Variants in JPH2 observed in about 807,000 individuals in gnomAD.
The protein encoded by JPH2 is junctophilin 2, also known as junctophilin-2.
In JPH2, 38 loss-of-function variants were observed where a neutral mutation model predicts 55.9. The ratio of observed to expected loss-of-function variants is 0.68; its 90% CI spans 0.52 to 0.89. JPH2 has a LOEUF of 0.89. Among genes scored for constraint, JPH2 ranks in the 40% least tolerant of loss-of-function variants. The pLI is 0.00. For missense variants in JPH2, 964 were observed against 1,037.6 expected (o/e 0.93, Z 0.97); for synonymous variants, 480 against 472.4 (o/e 1.02, Z -0.21).
chr20:44,158,753 G>A (rs994448552), intron 2 of JPH2, among the ~76,000 whole-genome samples: 8 of 152,186 alleles, frequency 5.3e-5, no homozygotes, highest in Non-Finnish European at 8.8e-5. Context: ...TGATAGAGGT[G>A]GCTGGCTGGG....
At position 44,115,967 on chromosome 20, in the gene JPH2, C is replaced by T; in HGVS notation, c.1708G>A (p.Ala570Thr). Residue 570 changes from alanine (A) to threonine (T), a missense_variant, in exon 4 of 6, where the codon GCT becomes ACT. Transcript: ENST00000372980. ...VALYQGYHSY[A>T]VRTTPPEPPP... is the part of the protein sequence containing the mutation. ...GGCTCGGGCGGCGTGGTGCGCACAG[C>T]ATAGCTGTGGTAGCCCTGGTAAAGC... is the stretch of plus-strand genomic sequence containing the variant. 1 of 1,575,682 alleles carries T rather than the reference C, an allele frequency of 6.3e-7. No individual in the cohort carries two copies. Among genetic ancestry groups the T allele is most frequent in the Middle Eastern group, 1.7e-4 (1 of 5,812 alleles).
In JPH2 at chr20:44,109,009, G is replaced by C. The variant is rs999622632; in HGVS notation, c.*4509C>G. 1.8e-4 allele frequency among the ~76,000 whole-genome samples: 27 copies of C among 152,226 alleles called. 1 individual carries two copies. Among genetic ancestry groups the C allele is most frequent in the Admixed American group, 7.2e-4 (11 of 15,284 alleles). The stretch of plus-strand genomic sequence containing the variant: ...TTCCCTGAACTCCTTCAGGAATTCT[G>C]AATCATCACATCCACTAATATCCAA... On this transcript the variant is annotated 3_prime_UTR_variant, in exon 6 of 6. Coordinates refer to ENST00000372980, the MANE Select transcript of JPH2 (RefSeq NM_020433.5).
Position 44,107,009 on chromosome 20 carries a change from T to C in JPH2, c.*6509A>G, listed in dbSNP as rs2072112879. ...TTGTCAGGCCTGCATCAAGTTAGAC[T>C]TCTTCCTCTGCCCTGTTCTGCATTT... is the stretch of plus-strand genomic sequence containing the variant. On this transcript the variant is annotated 3_prime_UTR_variant, in exon 6 of 6. Transcript: ENST00000372980. 6.6e-6 allele frequency among the ~76,000 whole-genome samples: 1 copy of C among 152,324 alleles called. No homozygotes were observed. The highest frequency in any genetic ancestry group is 2.1e-4 in the South Asian group (1 of 4,828).
At chr20:44,116,732 C>G (rs1214817762) in intron 3 of JPH2, among the ~76,000 whole-genome samples, 1 of 152,210 alleles carries the variant, frequency 6.6e-6, no homozygotes, top group African/African-American at 2.4e-5. Flanking sequence ...TCTTTCCATT[C>G]CCTTATCTGA....
intron 2 of JPH2, among the ~76,000 whole-genome samples, chr20:44,139,764 AC>A (rs955798962): frequency 1.3e-5 from 2 of 152,240 alleles, no homozygotes; most frequent in African/African-American, 4.8e-5. Flanking sequence ...AAGGAAAGAA[AC>A]TACAAACAAG....
Position 44,115,978 on chromosome 20 carries a change from T to C in JPH2, c.1697A>G (p.Tyr566Cys). Residue 566 changes from tyrosine to cysteine, a missense_variant, in exon 4 of 6, where the codon TAC becomes TGC. Tyr to Cys is a radical substitution (Grantham distance 194). Coordinates refer to ENST00000372980, the MANE Select transcript of JPH2 (RefSeq NM_020433.5). Reference sequence around the variant, plus strand: ...CGTGGTGCGCACAGCATAGCTGTGGTAGCCCTGGTAAAGCGCCACCTCCGG... The same window carrying C: ...CGTGGTGCGCACAGCATAGCTGTGGCAGCCCTGGTAAAGCGCCACCTCCGG... ...REPEVALYQG[Y>C]HSYAVRTTPP... is the part of the protein sequence containing the mutation. 6.3e-7 allele frequency: 1 copy of C among 1,577,782 alleles called. No individual in the cohort carries two copies. Among genetic ancestry groups the C allele is most frequent in the Non-Finnish European group, 8.5e-7 (1 of 1,169,694 alleles).
Position 44,108,045 on chromosome 20 carries a change from T to C in JPH2, c.*5473A>G, listed in dbSNP as rs1381265236. ...GGGCTATGTGATGTCAGCCTGACCT[T>C]TGGGTGTGGGGAGGGGTATGGAGGT... On this transcript the variant is annotated 3_prime_UTR_variant, in exon 6 of 6. Transcript: ENST00000372980. Among the ~76,000 whole-genome samples, 1 of 152,116 alleles carries C rather than the reference T, an allele frequency of 6.6e-6. No individual in the cohort carries two copies. The highest frequency in any genetic ancestry group is 1.5e-5 in the Non-Finnish European group (1 of 68,020).
rs539082801 is a variant in JPH2 at position 44,109,852 on chromosome 20, G to A, written c.*3666C>T. Among the ~76,000 whole-genome samples the A allele has an allele frequency of 2.4e-4, 37 of 152,144 alleles. No homozygotes were observed. The highest frequency in any genetic ancestry group is 8.0e-4 in the African/African-American group (33 of 41,500). On this transcript the variant is annotated 3_prime_UTR_variant, in exon 6 of 6. Coordinates refer to ENST00000372980, the MANE Select transcript of JPH2 (RefSeq NM_020433.5). ...GATTATGAAACTTCCCTTCTTGCCC[G>A]AATCCCAAATCTGACTCCCACGGTT...
At chr20:44,126,162 G>T in intron 2 of JPH2, among the ~76,000 whole-genome samples, 1 of 97,738 alleles carries the variant, frequency 1.0e-5, no homozygotes, top group East Asian at 3.6e-4. Flanking sequence ...GAGGGAGGGA[G>T]GGAGGGAGGA....
intron 2 of JPH2, among the ~76,000 whole-genome samples, chr20:44,129,991 C>T (rs1035694263): frequency 6.6e-5 from 10 of 152,148 alleles, no homozygotes; most frequent in Admixed American, 2.0e-4. Context: ...TTTAGACTTC[C>T]GACCTCCAGA....
intron 1 of JPH2, among the ~76,000 whole-genome samples, chr20:44,183,081 G>GCA (rs2072799860): frequency 1.3e-5 from 2 of 151,964 alleles, no homozygotes; most frequent in East Asian, 3.9e-4. Context: ...AGACACACAT[G>GCA]CACACACACA....
intron 2 of JPH2, among the ~76,000 whole-genome samples, chr20:44,158,168 A>G (rs1486517262): frequency 1.3e-5 from 2 of 152,234 alleles, no homozygotes; most frequent in Non-Finnish European, 2.9e-5. Context: ...GCGCGCTCTA[A>G]GGACAGAACG....
At chr20:44,176,586 G>A (rs372761809) in intron 1 of JPH2, among the ~76,000 whole-genome samples, 53 of 152,020 alleles carry the variant, frequency 3.5e-4, no homozygotes, top group Admixed American at 3.3e-3. Context: ...AGGATGGCTC[G>A]GGCTCAGAAG....
In JPH2 at chr20:44,133,902, AAATAAATATACATTATAATATAT is replaced by A. The variant is rs1569192001; in HGVS notation, c.1170-15302_1170-15280del. Among the ~76,000 whole-genome samples the A allele has an allele frequency of 7.4e-3, 192 of 25,820 alleles. 5 individuals carry two copies. Among genetic ancestry groups the A allele is most frequent in the South Asian group, 0.016 (18 of 1,130 alleles). 16.9% of individuals were successfully genotyped at this position (25,820 alleles called of 152,430 possible). On this transcript the variant is annotated intron_variant, in intron 2 of 5. Coordinates refer to ENST00000372980, the MANE Select transcript of JPH2 (RefSeq NM_020433.5). ...ATATATATTTATTATAAATATATAT[AAATAAATATACATTATAATATAT>A]AAATATATATTTATTATAAATATAT...
At position 44,111,409 on chromosome 20, in the gene JPH2, C is replaced by G. The variant is rs1333834866; in HGVS notation, c.*2109G>C. The stretch of plus-strand genomic sequence containing the variant: ...AGGCTCAGAGAAGCGAAGAAAGTGG[C>G]TGGGCTAGCATTGGAGGCTGGGGGG... On this transcript the variant is annotated 3_prime_UTR_variant, in exon 6 of 6. Coordinates refer to ENST00000372980, the MANE Select transcript of JPH2 (RefSeq NM_020433.5). Among the ~76,000 whole-genome samples, 1 of 152,180 alleles carries G rather than the reference C, an allele frequency of 6.6e-6. No homozygotes were observed. The highest frequency in any genetic ancestry group is 2.4e-5 in the African/African-American group (1 of 41,442).
intron 2 of JPH2, among the ~76,000 whole-genome samples, chr20:44,140,849 A>T (rs2072451699): frequency 6.6e-6 from 1 of 152,006 alleles, no homozygotes; most frequent in East Asian, 1.9e-4. Flanking sequence ...GTTATATCTC[A>T]TTTTACCCTC....
chr20:44,143,190 G>C (rs901384634), intron 2 of JPH2, among the ~76,000 whole-genome samples: 2 of 152,212 alleles, frequency 1.3e-5, no homozygotes, highest in Admixed American at 1.3e-4. Flanking sequence ...GATGGGGAGA[G>C]TGGTATGAGA....
intron 2 of JPH2, among the ~76,000 whole-genome samples, chr20:44,157,514 G>C (rs979635440): frequency 6.6e-6 from 1 of 152,098 alleles, no homozygotes; most frequent in Non-Finnish European, 1.5e-5. Flanking sequence ...TACATTTCCT[G>C]CATGTTAATC....
At position 44,167,590 on chromosome 20, in the gene JPH2, T is replaced by C. The variant is rs1157925075; in HGVS notation, c.380-7183A>G. ...GGCCATAACCATGGCAAAAATACGG[T>C]CCTGTCCCCCCGATAGGACTCCCGA... On this transcript the variant is annotated intron_variant, in intron 1 of 5. Coordinates refer to ENST00000372980, the MANE Select transcript of JPH2 (RefSeq NM_020433.5). Among the ~76,000 whole-genome samples, 3 of 152,074 alleles carry C rather than the reference T, an allele frequency of 2.0e-5. No homozygotes were observed. In the South Asian group the frequency reaches 6.2e-4, roughly 32 times the overall value.
Sources: gnomAD v4.1 joint callset for allele counts (sites outside exome capture counted in the v4.1 genomes callset) on GRCh38, gnomAD v4.1.1 for gene constraint, MANE v1.5 for transcripts, NCBI Gene and HGNC (gene_info 2026-07-23, HGNC 2026-07-21) for gene names.